TENM3: variants seen among roughly 807,000 people sequenced by gnomAD.
TENM3 encodes teneurin transmembrane protein 3.
A neutral mutation model predicts 255.1 loss-of-function variants in TENM3; 63 were observed. The ratio of observed to expected loss-of-function variants is 0.25; its 90% CI spans 0.20 to 0.30. The LOEUF is 0.30. Ranked by LOEUF, TENM3 falls within the 10% of genes least tolerant of loss-of-function variation. TENM3 has a pLI of 1.00. For synonymous variants in TENM3, 1,306 were observed against 1,322.3 expected (o/e 0.99, Z 0.27); for missense variants, 2,929 against 3,461.1 (o/e 0.85, Z 3.86).
chr4:182,650,909 TATATATATATATATAA>T (rs1271421406), intron 5 of TENM3, among the ~76,000 whole-genome samples: 718 of 42,186 alleles, frequency 0.017, 13 homozygotes, highest in African/African-American at 0.049. Context: ...TATATATATA[TATATATATATATATAA>T]AACAAAGCTG....
At chr4:182,523,371 C>A (rs1738782060) in intron 3 of TENM3, among the ~76,000 whole-genome samples, 1 of 152,092 alleles carries the variant, frequency 6.6e-6, no homozygotes, top group Non-Finnish European at 1.5e-5. Flanking sequence ...CCCTGTCAAC[C>A]AATTAATTAT....
chr4:181,645,500 G>A, the TENM3 span, among the ~76,000 whole-genome samples: 8 of 152,256 alleles, frequency 5.3e-5, no homozygotes, highest in South Asian at 1.5e-3. Context: ...CTTTTAACAG[G>A]ACAACAGTCA....
At chr4:182,702,557 G>C (rs908583662) in intron 12 of TENM3, among the ~76,000 whole-genome samples, 4 of 152,030 alleles carry the variant, frequency 2.6e-5, no homozygotes, top group Non-Finnish European at 5.9e-5. Context: ...TTTACTACTT[G>C]CTAAGGCCCA....
At chr4:182,578,687 T>G (rs1745184504) in intron 3 of TENM3, among the ~76,000 whole-genome samples, 1 of 152,204 alleles carries the variant, frequency 6.6e-6, no homozygotes, top group Admixed American at 6.5e-5. Context: ...CAGGTTAATC[T>G]CCCTCTGACT....
chr4:182,340,506 A>G (rs2150615343), intron 2 of TENM3, among the ~76,000 whole-genome samples: 1 of 152,146 alleles, frequency 6.6e-6, no homozygotes, highest in African/African-American at 2.4e-5. Flanking sequence ...AGTTTCTTAA[A>G]CCTGTTTTTT....
rs370589235 is a variant in TENM3 at position 182,195,329 on chromosome 4, G to A, written c.-76+50575G>A. ...AGTGAATGAGGGAGAATATTTTAAC[G>A]TGGAATGCCACCTTAAAGCATGACT... On this transcript the variant is annotated intron_variant, in intron 1 of 2. Coordinates refer to the TENM3 transcript ENST00000512480. 3.6e-4 allele frequency among the ~76,000 whole-genome samples: 55 copies of A among 152,184 alleles called. 1 individual carries two copies. The East Asian group carries it at 4.3e-3, about 12-fold the overall frequency.
At chr4:181,949,548 C>T in the TENM3 span, among the ~76,000 whole-genome samples, 3 of 152,342 alleles carry the variant, frequency 2.0e-5, no homozygotes, top group Middle Eastern at 3.4e-3. Context: ...CTCTACCACC[C>T]TGGCCCAACT....
intron 12 of TENM3, among the ~76,000 whole-genome samples, chr4:182,696,792 G>A (rs1757458289): frequency 6.6e-6 from 1 of 151,196 alleles, no homozygotes; most frequent in African/African-American, 2.4e-5. Context: ...TAAATGTTTT[G>A]TTGCGGTTTT....
intron 3 of TENM3, among the ~76,000 whole-genome samples, chr4:182,354,723 C>G (rs1765409689): frequency 6.6e-6 from 1 of 152,084 alleles, no homozygotes; most frequent in Admixed American, 6.5e-5. Context: ...AATAAATAGG[C>G]TGTACGCAAA....
intron 3 of TENM3, among the ~76,000 whole-genome samples, chr4:182,437,186 T>C (rs1772112703): frequency 6.6e-6 from 1 of 152,354 alleles, no homozygotes; most frequent in Non-Finnish European, 1.5e-5. Flanking sequence ...CTCTAAATCG[T>C]ATATGCATTA....
At chr4:182,411,184 C>T (rs375995263) in intron 3 of TENM3, among the ~76,000 whole-genome samples, 1 of 152,182 alleles carries the variant, frequency 6.6e-6, no homozygotes, top group African/African-American at 2.4e-5. Flanking sequence ...CTCTCGAGCC[C>T]GGTGATGCCC....
chr4:181,960,757 A>G, the TENM3 span, among the ~76,000 whole-genome samples: 1 of 152,250 alleles, frequency 6.6e-6, no homozygotes, highest in African/African-American at 2.4e-5. Context: ...TAAAATCATT[A>G]TATATACTTT....
the TENM3 span, among the ~76,000 whole-genome samples, chr4:181,551,810 AT>A: frequency 2.8e-3 from 2 of 714 alleles, no homozygotes; most frequent in Middle Eastern, 0.25. Context: ...AGTTAATAAT[AT>A]ATATATATAT....
chr4:182,740,661 G>A (rs771263431), intron 18 of TENM3, among the ~76,000 whole-genome samples: 21 of 152,064 alleles, frequency 1.4e-4, no homozygotes, highest in African/African-American at 4.3e-4. Flanking sequence ...CTGTAGCTCC[G>A]AAAAAGCCCA....
At chr4:181,799,717 G>A in the TENM3 span, among the ~76,000 whole-genome samples, 1 of 120,814 alleles carries the variant, frequency 8.3e-6, no homozygotes, top group Non-Finnish European at 1.9e-5. Flanking sequence ...TAAATGCCTG[G>A]GATAATAATA....
intron 3 of TENM3, among the ~76,000 whole-genome samples, chr4:182,424,077 G>A (rs1233650776): frequency 6.6e-6 from 1 of 152,098 alleles, no homozygotes; most frequent in African/African-American, 2.4e-5. Flanking sequence ...CACATGGGAA[G>A]AAAAGAATCC....
chr4:182,716,140 GT>G, intron 13 of TENM3, among the ~76,000 whole-genome samples: 1 of 152,042 alleles, frequency 6.6e-6, no homozygotes, highest in Non-Finnish European at 1.5e-5. Flanking sequence ...CTACTCCAAT[GT>G]TGCTATTGCC....
At chr4:181,619,931 C>T in the TENM3 span, among the ~76,000 whole-genome samples, 1 of 152,170 alleles carries the variant, frequency 6.6e-6, no homozygotes, top group Non-Finnish European at 1.5e-5. Context: ...ATTTGACATC[C>T]TAACCTGGCA....
At chr4:182,371,106 A>G (rs1395193728) in intron 3 of TENM3, among the ~76,000 whole-genome samples, 3 of 152,090 alleles carry the variant, frequency 2.0e-5, no homozygotes, top group African/African-American at 7.2e-5. Flanking sequence ...AATTAGACCA[A>G]TATTCATTCC....
Sources: allele counts gnomAD v4.1 joint callset (sites outside exome capture counted in the v4.1 genomes callset), GRCh38; gene constraint gnomAD v4.1.1; transcripts MANE v1.5; gene names NCBI Gene and HGNC (gene_info 2026-07-23, HGNC 2026-07-21).